LITAF: variants seen among roughly 807,000 people sequenced by gnomAD.
LITAF encodes lipopolysaccharide-induced tumor necrosis factor-alpha factor.
A neutral mutation model predicts 14.5 loss-of-function variants in LITAF; 9 were observed. That is an observed-to-expected ratio of 0.62 (90% CI 0.37 to 1.08). The LOEUF is 1.08. LITAF is among the 50% of genes least tolerant of loss of function. The pLI is 0.01. For missense variants in LITAF, 206 were observed against 213.4 expected (o/e 0.97, Z 0.22); for synonymous variants, 98 against 88.2 (o/e 1.11, Z -0.62).
intron 3 of LITAF, among the ~76,000 whole-genome samples, chr16:11,617,410 A>G (rs2065025445): frequency 2.0e-5 from 3 of 149,902 alleles, no homozygotes; most frequent in Non-Finnish European, 4.4e-5. Flanking sequence ...GCAATATATC[A>G]ATATATGGCT....
chr16:11,621,979 C>T (rs2065053875), intron 3 of LITAF, among the ~76,000 whole-genome samples: 1 of 152,154 alleles, frequency 6.6e-6, no homozygotes, highest in Non-Finnish European at 1.5e-5. Flanking sequence ...CTCGTGAAAC[C>T]TTCTGAGGGT....
intron 1 of LITAF, among the ~76,000 whole-genome samples, chr16:11,579,520 AAAAT>A (rs2064701015): frequency 7.6e-6 from 1 of 131,220 alleles, no homozygotes; most frequent in Non-Finnish European, 1.7e-5. Context: ...AAAATAAAAT[AAAAT>A]AAAATATATC....
At chr16:11,630,178 G>A (rs1042604261) in intron 3 of LITAF, among the ~76,000 whole-genome samples, 1 of 152,142 alleles carries the variant, frequency 6.6e-6, no homozygotes, top group African/African-American at 2.4e-5. Flanking sequence ...AAACCTCTGT[G>A]TTTGGGAGTC....
chr16:11,597,898 G>A lies in LITAF; in HGVS notation c.-6+490C>T, dbSNP rs549386510. 2.1e-3 allele frequency among the ~76,000 whole-genome samples: 327 copies of A among 152,192 alleles called. 1 individual carries two copies. The highest frequency in any genetic ancestry group is 3.7e-3 in the Non-Finnish European group (253 of 68,010). On this transcript the variant is annotated intron_variant, in intron 1 of 3. Transcript: ENST00000571627. ...CTGGAAATGGGACAAAACCCAGCAT[G>A]CTTTTTTGCTTTCTTTTTTCTTTGT...
chr16:11,562,313 C>CAA (rs57317505), intron 1 of LITAF, among the ~76,000 whole-genome samples: 1,105 of 60,824 alleles, frequency 0.018, 15 homozygotes, highest in Non-Finnish European at 0.025. Flanking sequence ...GACTCCGTCT[C>CAA]AAAAAAAAAA....
intron 3 of LITAF, among the ~76,000 whole-genome samples, chr16:11,629,798 G>A (rs2065106959): frequency 6.6e-6 from 1 of 152,158 alleles, no homozygotes; most frequent in South Asian, 2.1e-4. Flanking sequence ...CCAGCGTGGA[G>A]CTCCAGGGGC....
intron 1 of LITAF, chr16:11,561,097 G>A (rs1030156307): frequency 1.3e-5 from 2 of 152,164 alleles, no homozygotes; most frequent in Non-Finnish European, 2.9e-5. Context: ...CACAGCCCCA[G>A]ACCCACCTCC....
chr16:11,580,552 G>A (rs1339986527), intron 1 of LITAF, among the ~76,000 whole-genome samples: 3 of 151,986 alleles, frequency 2.0e-5, no homozygotes, highest in South Asian at 2.1e-4. Context: ...CACCGTGCCT[G>A]GCTGGAAGAT....
chr16:11,609,697 T>C (rs922212895), intron 3 of LITAF, among the ~76,000 whole-genome samples: 5 of 152,146 alleles, frequency 3.3e-5, no homozygotes, highest in African/African-American at 1.2e-4. Flanking sequence ...GAGGCCCCCA[T>C]CTGCTACGGT....
At chr16:11,587,523 A>G (rs2064821315), upstream of LITAF, 1 of 444,014 alleles carries the variant, frequency 2.3e-6, no homozygotes, top group African/African-American at 2.0e-5. Flanking sequence ...GTCTCCTAAG[A>G]CCGACTGGGA....
intron 3 of LITAF, among the ~76,000 whole-genome samples, chr16:11,552,772 G>A (rs188852676): frequency 1.3e-5 from 2 of 152,152 alleles, no homozygotes; most frequent in Admixed American, 6.5e-5. Flanking sequence ...GTGGGGGCCA[G>A]GGATGCTATT....
At chr16:11,625,618 C>A (rs1177237327) in intron 3 of LITAF, among the ~76,000 whole-genome samples, 1 of 152,138 alleles carries the variant, frequency 6.6e-6, no homozygotes, top group African/African-American at 2.4e-5. Context: ...CTGGGGGAAC[C>A]AAGTCTAAGA....
intron 3 of LITAF, among the ~76,000 whole-genome samples, chr16:11,609,231 G>A (rs1432861760): frequency 2.0e-5 from 3 of 148,318 alleles, no homozygotes; most frequent in African/African-American, 7.5e-5. Context: ...TTTTTAATAC[G>A]GAGTCTCACT....
rs139356126 is a variant in LITAF at position 11,557,333 on chromosome 16, C to T, written c.-5-598G>A. Among the ~76,000 whole-genome samples, 1,006 of 149,774 alleles carry T rather than the reference C, an allele frequency of 6.7e-3. 13 individuals carry two copies. The highest frequency in any genetic ancestry group is 0.023 in the African/African-American group (945 of 40,390). On this transcript the variant is annotated intron_variant, in intron 1 of 3. Coordinates refer to ENST00000622633, the MANE Select transcript of LITAF (RefSeq NM_001136472.2). Reference sequence around the variant, plus strand: ...GGTATGAGGGGGCCTTTGCGGGGGGCGGGTCCTGTTCTCTTTCTTCACCTG... The same window carrying T: ...GGTATGAGGGGGCCTTTGCGGGGGGTGGGTCCTGTTCTCTTTCTTCACCTG...
At position 11,593,313 on chromosome 16, in the gene LITAF, G is replaced by A. The variant is rs529225487; in HGVS notation, c.-6+5075C>T. Among the ~76,000 whole-genome samples, 91 of 141,206 alleles carry A rather than the reference G, an allele frequency of 6.4e-4. 1 individual carries two copies. Among genetic ancestry groups the A allele is most frequent in the African/African-American group, 2.2e-3 (84 of 37,400 alleles). The allele number at this position is 141,206 out of a possible 152,430, so 92.6% of individuals were successfully genotyped here. On this transcript the variant is annotated intron_variant, in intron 1 of 3. Coordinates refer to the LITAF transcript ENST00000571627. ...AGATGTTGCAGTGAGCCGAGATTGC[G>A]CCAGTGCTCTCCAGCATGGGAGACA...
At chr16:11,560,351 C>T (rs1054080446) in intron 1 of LITAF, among the ~76,000 whole-genome samples, 38 of 151,578 alleles carry the variant, frequency 2.5e-4, no homozygotes, top group Non-Finnish European at 5.9e-5. Context: ...TGGCTCATGC[C>T]TGTAATCCCA....
intron 1 of LITAF, among the ~76,000 whole-genome samples, chr16:11,594,298 G>A (rs1424204455): frequency 1.6e-5 from 2 of 126,270 alleles, no homozygotes; most frequent in African/African-American, 3.6e-5. Flanking sequence ...TACAACAACT[G>A]TATCCCAATT....
chr16:11,591,110 T>C (rs1487973660), upstream of LITAF, among the ~76,000 whole-genome samples: 2 of 118,722 alleles, frequency 1.7e-5, 1 homozygote, highest in Non-Finnish European at 3.4e-5. Flanking sequence ...AAAATTAATA[T>C]GGAATTACAA....
chr16:11,589,808 G>C (rs2064837344), upstream of LITAF, among the ~76,000 whole-genome samples: 1 of 151,552 alleles, frequency 6.6e-6, no homozygotes, highest in East Asian at 2.0e-4. Context: ...ATTTTTTGTA[G>C]AGATAGGGCT....
Sources: gnomAD v4.1 joint callset for allele counts (sites outside exome capture counted in the v4.1 genomes callset) on GRCh38, gnomAD v4.1.1 for gene constraint, MANE v1.5 for transcripts, NCBI Gene and HGNC (gene_info 2026-07-23, HGNC 2026-07-21) for gene names.